The following TMEM135 variants were observed in gnomAD, a reference collection of about 807,000 sequenced individuals.
TMEM135 encodes the protein transmembrane protein 135.
TMEM135 carries 30 observed loss-of-function variants against 60.3 expected under a neutral mutation model. The ratio of observed to expected loss-of-function variants is 0.50; its 90% CI spans 0.37 to 0.68. The LOEUF is 0.68. Among genes scored for constraint, TMEM135 ranks in the 30% least tolerant of loss-of-function variants. TMEM135 has a pLI of 0.00. For missense variants in TMEM135, 468 were observed against 548.8 expected (o/e 0.85, Z 1.47); for synonymous variants, 190 against 186.7 (o/e 1.02, Z -0.14).
At chr11:87,204,551 A>G (rs624256) in intron 5 of TMEM135, among the ~76,000 whole-genome samples, 20,022 of 152,178 alleles carry the variant, frequency 0.13, 1,378 homozygotes, top group Non-Finnish European at 0.15. Flanking sequence ...ATAAACAGTC[A>G]ATTAATGCAT....
At chr11:87,109,174 T>C (rs577204839) in intron 4 of TMEM135, among the ~76,000 whole-genome samples, 1 of 152,158 alleles carries the variant, frequency 6.6e-6, no homozygotes, top group South Asian at 2.1e-4. Flanking sequence ...CTTTTCAAAA[T>C]ATGCTCTTTA....
chr11:87,104,215 C>G (rs560588833), intron 4 of TMEM135, among the ~76,000 whole-genome samples: 6 of 152,208 alleles, frequency 3.9e-5, no homozygotes, highest in African/African-American at 1.4e-4. Context: ...GTGTTGTTAG[C>G]ACCTTTGTCA....
At chr11:87,231,954 C>CTT (rs756771540) in intron 5 of TMEM135, among the ~76,000 whole-genome samples, 18 of 142,068 alleles carry the variant, frequency 1.3e-4, no homozygotes, top group South Asian at 2.2e-4. Context: ...AGAAAAGAGA[C>CTT]TTTTTTTTTT....
chr11:87,319,244 T>G, intron 13 of TMEM135, 66 bp from the exon 14 acceptor site: 1 of 1,252,448 alleles, frequency 8.0e-7, no homozygotes, highest in Non-Finnish European at 1.2e-6. Context: ...AATACACCTT[T>G]GTGTATTTCA....
intron 5 of TMEM135, among the ~76,000 whole-genome samples, chr11:87,162,225 A>AT (rs201480061): frequency 9.2e-5 from 14 of 151,518 alleles, no homozygotes; most frequent in Admixed American, 4.6e-4. Flanking sequence ...TTATTAAATA[A>AT]TTTTTTTTTA....
intron 14 of TMEM135, among the ~76,000 whole-genome samples, chr11:87,319,596 T>C (rs1391634394): frequency 6.6e-6 from 1 of 152,044 alleles, no homozygotes; most frequent in Non-Finnish European, 1.5e-5. Context: ...ATCATGTTGA[T>C]TTGCTAACTA....
At chr11:87,107,921 C>T (rs1384243941) in intron 4 of TMEM135, among the ~76,000 whole-genome samples, 1 of 152,132 alleles carries the variant, frequency 6.6e-6, no homozygotes, top group East Asian at 1.9e-4. Context: ...TCTCCAGCAC[C>T]TGTTGTTTCC....
chr11:87,112,811 GT>G (rs1239916291), intron 4 of TMEM135, among the ~76,000 whole-genome samples: 6 of 150,930 alleles, frequency 4.0e-5, no homozygotes, highest in East Asian at 1.9e-4. Context: ...TATGATAAGG[GT>G]TTTTTTTTCT....
chr11:87,145,540 T>G (rs1938390457), intron 4 of TMEM135, among the ~76,000 whole-genome samples: 1 of 152,166 alleles, frequency 6.6e-6, no homozygotes, highest in Admixed American at 6.5e-5. Flanking sequence ...TAATTTATAT[T>G]CCCACCAAGA....
intron 6 of TMEM135, among the ~76,000 whole-genome samples, chr11:87,240,794 C>T (rs967966506): frequency 4.6e-5 from 7 of 152,066 alleles, no homozygotes; most frequent in African/African-American, 1.7e-4. Context: ...ATTATAACTC[C>T]TTCAATCCCA....
At chr11:87,131,365 G>A (rs1016279998) in intron 4 of TMEM135, among the ~76,000 whole-genome samples, 2 of 65,990 alleles carry the variant, frequency 3.0e-5, no homozygotes, top group Admixed American at 3.9e-4. Flanking sequence ...ACTTTTTACT[G>A]TCTCTATGGT....
intron 13 of TMEM135, 151 bp from the exon 14 acceptor site, chr11:87,319,159 G>A (rs71465690): frequency 0.017 from 11,713 of 688,720 alleles, 176 homozygotes; most frequent in South Asian, 0.049. Context: ...GTGAGCCACC[G>A]TGCCCAGCCA....
At chr11:87,294,266 A>G (rs1008415984) in intron 6 of TMEM135, among the ~76,000 whole-genome samples, 5 of 152,222 alleles carry the variant, frequency 3.3e-5, no homozygotes, top group African/African-American at 7.2e-5. Context: ...TCTGTACTGC[A>G]TCTAATAAAA....
At chr11:87,104,720 G>A (rs1857549837) in intron 4 of TMEM135, among the ~76,000 whole-genome samples, 1 of 152,046 alleles carries the variant, frequency 6.6e-6, no homozygotes, top group African/African-American at 2.4e-5. Flanking sequence ...TTTTTGAATA[G>A]TTGAGTATTA....
intron 14 of TMEM135, among the ~76,000 whole-genome samples, chr11:87,319,638 G>C (rs1483409323): frequency 2.6e-5 from 4 of 151,014 alleles, no homozygotes; most frequent in African/African-American, 9.9e-5. Context: ...ACTTAAGTCT[G>C]ACTGTTTGAA....
intron 9 of TMEM135, among the ~76,000 whole-genome samples, chr11:87,308,212 T>C (rs572078037): frequency 2.0e-5 from 3 of 152,324 alleles, no homozygotes; most frequent in South Asian, 4.1e-4. Flanking sequence ...GTTTGGCAGA[T>C]AACAGGCATT....
intron 6 of TMEM135, among the ~76,000 whole-genome samples, chr11:87,255,246 A>C (rs1450879061): frequency 2.0e-5 from 3 of 152,176 alleles, no homozygotes; most frequent in Admixed American, 1.3e-4. Context: ...GCAAAGAAAC[A>C]AATGTGTTGG....
Position 87,309,556 on chromosome 11 carries a change from A to G in TMEM135, c.820A>G (p.Ile274Val). The change falls in exon 10 of 15, where the codon ATC becomes GTC. Residue 274 changes from isoleucine to valine, a missense_variant. Physicochemically the swap from Ile to Val is conservative, Grantham distance 29 (BLOSUM62 3). Transcript: ENST00000305494. ...VGYLIQCCLR[I>V]PSAFRHLFTQ... ...GTACTTGATCCAGTGCTGCCTCCGA[A>G]TCCCTTCTGCATTTAGGCATCTGTT... 6.2e-7 allele frequency: 1 copy of G among 1,613,828 alleles called. No homozygotes were observed.
intron 2 of TMEM135, among the ~76,000 whole-genome samples, chr11:87,071,022 A>C (rs1332690670): frequency 6.6e-6 from 1 of 152,178 alleles, no homozygotes; most frequent in Non-Finnish European, 1.5e-5. Context: ...TCATTTGATA[A>C]ATAAAGGAAA....
Sources: allele counts gnomAD v4.1 joint callset (sites outside exome capture counted in the v4.1 genomes callset), GRCh38; gene constraint gnomAD v4.1.1; transcripts MANE v1.5; gene names NCBI Gene and HGNC (gene_info 2026-07-23, HGNC 2026-07-21).